Variants in ABCC11 observed in about 807,000 individuals in gnomAD.
ABCC11 encodes ATP-binding cassette sub-family C member 11.
ABCC11 carries 135 observed loss-of-function variants against 149.3 expected under a neutral mutation model. The ratio of observed to expected loss-of-function variants is 0.90; its 90% CI spans 0.79 to 1.04. The LOEUF (loss-of-function observed/expected upper bound fraction) is 1.04, where lower values mean the gene tolerates loss of function less well. Ranked by LOEUF, ABCC11 falls within the 50% of genes least tolerant of loss-of-function variation. The probability of loss-of-function intolerance (pLI) is 0.00; values close to 1 mark genes in which losing one functional copy is unlikely to be tolerated. For missense variants in ABCC11, 1,680 were observed against 1,722.1 expected, an observed-to-expected ratio of 0.98 and a Z score of 0.43; for synonymous variants, 665 against 671.4, an observed-to-expected ratio of 0.99 and a Z score of 0.15.
chr16:48,232,209 G>T (rs1970464818), intron 1 of ABCC11: 2 of 482,972 alleles, frequency 4.1e-6, no homozygotes, highest in Admixed American at 4.1e-5. Flanking sequence ...CTTGATCCTG[G>T]GCAATCTCCT....
At chr16:48,176,772 TCACC>T (rs1347201190) in intron 25 of ABCC11, 148 bp downstream of exon 25, 3 of 909,596 alleles carry the variant, frequency 3.3e-6, no homozygotes, top group African/African-American at 3.4e-5. Context: ...TGGGTTTCGC[TCACC>T]AGTGTTTGTC....
intron 5 of ABCC11, among the ~76,000 whole-genome samples, chr16:48,224,014 GA>G (rs2150900239): frequency 6.6e-6 from 1 of 152,290 alleles, no homozygotes; most frequent in South Asian, 2.1e-4. Flanking sequence ...AAGTCGCAGA[GA>G]ATGTGACTAT....
intron 6 of ABCC11, among the ~76,000 whole-genome samples, chr16:48,219,082 CACTT>C (rs1969548197): frequency 6.6e-6 from 1 of 151,952 alleles, no homozygotes; most frequent in African/African-American, 2.4e-5. Context: ...AACATAGTAC[CACTT>C]ACATAAAAAT....
At chr16:48,210,651 GTCTCCTTTCCCT>G (rs1968840295) in intron 11 of ABCC11, 2 of 381,626 alleles carry the variant, frequency 5.2e-6, no homozygotes, top group Admixed American at 4.0e-5. Flanking sequence ...TGTTAGCTGG[GTCTCCTTTCCCT>G]TCTCCTTTCT....
At chr16:48,200,532 G>A (rs1345334506) in intron 14 of ABCC11, 53 bp from the exon 15 acceptor site, 3 of 1,572,472 alleles carry the variant, frequency 1.9e-6, no homozygotes, top group Non-Finnish European at 2.6e-6. Context: ...ACAGCCAGGT[G>A]TGCTCAAATG....
chr16:48,236,314 G>C (rs1450786449), intron 1 of ABCC11, among the ~76,000 whole-genome samples: 3 of 152,100 alleles, frequency 2.0e-5, no homozygotes, highest in Non-Finnish European at 4.4e-5. Context: ...TGCAGAGCTG[G>C]TTCATTCTTG....
intron 6 of ABCC11, among the ~76,000 whole-genome samples, chr16:48,221,130 G>A (rs1969707238): frequency 1.3e-5 from 2 of 152,138 alleles, no homozygotes; most frequent in Non-Finnish European, 2.9e-5. Context: ...GTTAAGCCCA[G>A]CCTAGGTGGC....
In ABCC11 at chr16:48,170,207, G is replaced by A. The variant is rs754738967; in HGVS notation, c.3789C>T (p.Phe1263=). 1 of 1,613,444 alleles carries A rather than the reference G, an allele frequency of 6.2e-7. No homozygotes were observed. The highest frequency in any genetic ancestry group is 1.1e-5 in the South Asian group (1 of 91,054). The stretch of plus-strand genomic sequence containing the variant: ...CCACATCTGTATGCAGCTTTTTGGG[G>A]AACTTTGAGATCTGCGATATGGGAA... ...RTFLTKAISK[F]PKKLHTDVVE... is the part of the protein sequence containing the mutation. Residue 1263 remains phenylalanine, a synonymous_variant, in exon 28 of 30, where the codon TTC becomes TTT. Coordinates refer to ENST00000356608, the MANE Select transcript of ABCC11 (RefSeq NM_001370497.1).
intron 26 of ABCC11, among the ~76,000 whole-genome samples, chr16:48,171,733 G>A (rs756342596): frequency 3.3e-5 from 5 of 152,196 alleles, no homozygotes; most frequent in Non-Finnish European, 7.3e-5. Context: ...GGAGGCTGAG[G>A]TGGGCAGAAC....
chr16:48,169,498 T>C (rs904714601), intron 28 of ABCC11, among the ~76,000 whole-genome samples: 14 of 152,142 alleles, frequency 9.2e-5, no homozygotes, highest in Non-Finnish European at 2.1e-4. Flanking sequence ...CTTGTTTTTG[T>C]CAGGTTTGTC....
chr16:48,202,679 G>A (rs900822329), intron 14 of ABCC11, among the ~76,000 whole-genome samples: 1 of 151,628 alleles, frequency 6.6e-6, no homozygotes, highest in Non-Finnish European at 1.5e-5. Flanking sequence ...TGAGATTATC[G>A]TGACTCTCAC....
At position 48,187,182 on chromosome 16, in the gene ABCC11, G is replaced by T. The variant is rs1304047933; in HGVS notation, c.2933+19C>A. On this transcript the variant is annotated intron_variant, in intron 21 of 29. Transcript: ENST00000356608. ...CCCAGCCTTGCTCCCCAAGTCACAAGCAAAAAGAACCTACTCACATATAAT... is the reference window on the plus strand; with the variant it reads ...CCCAGCCTTGCTCCCCAAGTCACAATCAAAAAGAACCTACTCACATATAAT... 1 of 1,613,370 alleles carries T rather than the reference G, an allele frequency of 6.2e-7. No homozygotes were observed. The highest frequency in any genetic ancestry group is 8.5e-7 in the Non-Finnish European group (1 of 1,179,690).
At chr16:48,207,311 C>T (rs1054307484) in intron 12 of ABCC11, among the ~76,000 whole-genome samples, 2 of 151,948 alleles carry the variant, frequency 1.3e-5, no homozygotes, top group African/African-American at 2.4e-5. Context: ...TTTTAGTGTT[C>T]GTTATAAGGT....
chr16:48,196,348 G>A (rs376862316), intron 17 of ABCC11, 27 bp from the exon 18 acceptor site: 2 of 1,603,760 alleles, frequency 1.2e-6, no homozygotes, highest in Non-Finnish European at 1.7e-6. Flanking sequence ...GAAGAGAAAA[G>A]TGGTATGCCT....
chr16:48,213,539 C>T lies in ABCC11; in HGVS notation c.1260G>A (p.Met420Ile). The stretch of plus-strand genomic sequence containing the variant: ...GCCGAAGGAGATTCAAGGAGGCCAG[C>T]ATGCTGAAGGCCTGGATAAGAAGGG... ...LKLTASMAFS[M>I]LASLNLLRLS... The change falls in exon 10 of 30, where the codon ATG becomes ATA. Residue 420 changes from methionine to isoleucine, a missense_variant. Physicochemically the swap from Met to Ile is conservative, Grantham distance 10 (BLOSUM62 1). Coordinates refer to ENST00000356608, the MANE Select transcript of ABCC11 (RefSeq NM_001370497.1). 1 of 1,609,190 alleles carries T rather than the reference C, an allele frequency of 6.2e-7. No homozygotes were observed. The highest frequency in any genetic ancestry group is 2.3e-5 in the East Asian group (1 of 44,442).
intron 4 of ABCC11, among the ~76,000 whole-genome samples, chr16:48,226,399 T>TAA (rs1970077099): frequency 1.3e-5 from 2 of 151,586 alleles, no homozygotes; most frequent in African/African-American, 4.9e-5. Context: ...CTCAGCCTCC[T>TAA]GAGCAGCTGG....
chr16:48,197,454 GT>G (rs1445891101), intron 17 of ABCC11, among the ~76,000 whole-genome samples: 13 of 152,166 alleles, frequency 8.5e-5, no homozygotes, highest in Admixed American at 3.3e-4. Context: ...GATGGCTAAG[GT>G]CACACAGCTT....
chr16:48,193,822 T>C (rs906743381), intron 19 of ABCC11, 57 bp downstream of exon 19: 2 of 1,426,178 alleles, frequency 1.4e-6, no homozygotes, highest in South Asian at 2.4e-5. Flanking sequence ...GAGCAAGAAG[T>C]CACCCCACCT....
intron 2 of ABCC11, among the ~76,000 whole-genome samples, chr16:48,231,469 C>T (rs796547886): frequency 2.4e-4 from 36 of 151,896 alleles, no homozygotes; most frequent in African/African-American, 8.5e-4. Flanking sequence ...CATGACAAGC[C>T]TGGGCAACAT....
Sources: allele counts gnomAD v4.1 joint callset (sites outside exome capture counted in the v4.1 genomes callset), GRCh38; gene constraint gnomAD v4.1.1; transcripts MANE v1.5; gene names NCBI Gene and HGNC (gene_info 2026-07-23, HGNC 2026-07-21).